Variants in ELAVL4 observed in about 807,000 individuals in gnomAD.
ELAVL4 encodes ELAV like RNA binding protein 4, also known as ELAV-like protein 4.
ELAVL4 carries 1 observed loss-of-function variant against 35.6 expected under a neutral mutation model. The observed-to-expected ratio is 0.03, with a 90% CI of 0.01 to 0.13. The LOEUF (loss-of-function observed/expected upper bound fraction) is 0.13. Ranked by LOEUF, ELAVL4 falls within the 10% of genes least tolerant of loss-of-function variation. The probability of loss-of-function intolerance (pLI) is 1.00; values close to 1 mark genes in which losing one functional copy is unlikely to be tolerated. For synonymous variants in ELAVL4, 156 were observed against 171.0 expected (o/e 0.91, Z 0.69); for missense variants, 267 against 464.9 (o/e 0.57, Z 3.91).
At chr1:50,118,965 G>GA (rs1668452526) in intron 1 of ELAVL4, among the ~76,000 whole-genome samples, 2 of 95,840 alleles carry the variant, frequency 2.1e-5, no homozygotes, top group Non-Finnish European at 4.2e-5. Context: ...AGAGAGAGAG[G>GA]GAGGGAGGGA....
chr1:50,187,171 TTG>T (rs1681961248), intron 3 of ELAVL4, among the ~76,000 whole-genome samples: 1 of 152,100 alleles, frequency 6.6e-6, no homozygotes, highest in Non-Finnish European at 1.5e-5. Context: ...TTACAACAGA[TTG>T]GGGAAAATCT....
chr1:50,136,802 G>A (rs1396936521), intron 1 of ELAVL4, among the ~76,000 whole-genome samples: 2 of 152,100 alleles, frequency 1.3e-5, no homozygotes, highest in Non-Finnish European at 2.9e-5. Context: ...CGCATGAATT[G>A]TGCAGTGAGG....
At position 50,140,235 on chromosome 1, in the gene ELAVL4, A is replaced by G. The variant is rs568727663; in HGVS notation, c.10-4722A>G. Reference sequence around the variant, plus strand: ...CACAGAATGTTTCATTAAAGTACATATGCACACTTGAGTAACTGATATATT... The same window carrying G: ...CACAGAATGTTTCATTAAAGTACATGTGCACACTTGAGTAACTGATATATT... On this transcript the variant is annotated intron_variant, in intron 1 of 6. Transcript: ENST00000371824. Among the ~76,000 whole-genome samples the G allele has an allele frequency of 2.0e-5, 3 of 152,332 alleles. No homozygotes were observed. The South Asian group carries it at 6.2e-4, about 32-fold the overall frequency.
At chr1:50,120,006 G>A (rs1236967356) in intron 1 of ELAVL4, among the ~76,000 whole-genome samples, 2 of 150,882 alleles carry the variant, frequency 1.3e-5, no homozygotes, top group East Asian at 3.9e-4. Context: ...TTTTCTTGGG[G>A]GAAAAATAAG....
At chr1:50,141,254 G>T (rs529787762) in intron 1 of ELAVL4, among the ~76,000 whole-genome samples, 21 of 152,238 alleles carry the variant, frequency 1.4e-4, no homozygotes, top group African/African-American at 5.1e-4. Context: ...AAGCTGCCTT[G>T]GTGTGGGATA....
chr1:50,183,516 G>A (rs956341224), intron 3 of ELAVL4, among the ~76,000 whole-genome samples: 1 of 152,158 alleles, frequency 6.6e-6, no homozygotes, highest in African/African-American at 2.4e-5. Context: ...CCTTCTCTGG[G>A]AAGGAGAGTG....
chr1:50,057,534 A>G (rs1292204207), intron 1 of ELAVL4, among the ~76,000 whole-genome samples: 6 of 152,218 alleles, frequency 3.9e-5, no homozygotes, highest in East Asian at 1.9e-4. Context: ...GCAACTGCCT[A>G]TAAACATGTA....
intron 1 of ELAVL4, among the ~76,000 whole-genome samples, chr1:50,062,876 C>G (rs1006839843): frequency 6.6e-6 from 1 of 152,100 alleles, no homozygotes; most frequent in African/African-American, 2.4e-5. Flanking sequence ...ATCCATTAAT[C>G]CATCCATCCA....
intron 1 of ELAVL4, chr1:50,144,444 C>T: frequency 8.0e-6 from 3 of 373,276 alleles, no homozygotes; most frequent in South Asian, 6.5e-5. Flanking sequence ...AGTGATTAAG[C>T]ATCAGTGAAA....
intron 1 of ELAVL4, among the ~76,000 whole-genome samples, chr1:50,085,432 G>C (rs893196767): frequency 1.3e-5 from 2 of 152,146 alleles, no homozygotes; most frequent in Non-Finnish European, 2.9e-5. Flanking sequence ...TGTGGCCAAG[G>C]GTTCTAGAGA....
At chr1:50,109,287 G>A (rs1666665999) in intron 1 of ELAVL4, 89 bp downstream of exon 1, 2 of 1,400,850 alleles carry the variant, frequency 1.4e-6, no homozygotes, top group African/African-American at 1.4e-5. Context: ...GCTTGCACAA[G>A]AGTTTAGTTC....
intron 2 of ELAVL4, chr1:50,175,626 G>A (rs1426061478): frequency 6.6e-6 from 1 of 152,140 alleles, no homozygotes; most frequent in Non-Finnish European, 1.5e-5. Context: ...GTCATTTTGG[G>A]TTTTCCATTT....
At chr1:50,104,327 G>A (rs1430237509), upstream of ELAVL4, among the ~76,000 whole-genome samples, 2 of 152,342 alleles carry the variant, frequency 1.3e-5, no homozygotes, top group Non-Finnish European at 2.9e-5. Flanking sequence ...ACATTTTAAT[G>A]TTTGAAGAAA....
intron 2 of ELAVL4, among the ~76,000 whole-genome samples, chr1:50,154,880 C>T (rs1348232838): frequency 2.6e-5 from 4 of 151,596 alleles, no homozygotes; most frequent in African/African-American, 4.9e-5. Flanking sequence ...ATGGAAAAAA[C>T]TAAAATTGAA....
At chr1:50,070,445 A>G (rs533002992) in intron 1 of ELAVL4, among the ~76,000 whole-genome samples, 1 of 152,304 alleles carries the variant, frequency 6.6e-6, no homozygotes, top group Non-Finnish European at 1.5e-5. Context: ...ACTAAAGAAC[A>G]TGAAAATGCC....
At chr1:50,186,693 T>C (rs1681876138) in intron 3 of ELAVL4, among the ~76,000 whole-genome samples, 1 of 152,072 alleles carries the variant, frequency 6.6e-6, no homozygotes, top group Admixed American at 6.5e-5. Context: ...AACTGGAGCA[T>C]AGGGTGCATG....
rs113004309 is a variant in ELAVL4, at chr1:50,187,866, C to T, written c.355-5899C>T. On this transcript the variant is annotated intron_variant, in intron 3 of 6. Coordinates refer to ENST00000371824, the MANE Select transcript of ELAVL4 (RefSeq NM_001144774.3). ...ATCCCAGCACTTTGAGAGGCTGAGACGAGCAGATCATCTGAGGTCAGGAGT... is the reference window on the plus strand; with the variant it reads ...ATCCCAGCACTTTGAGAGGCTGAGATGAGCAGATCATCTGAGGTCAGGAGT... Among the ~76,000 whole-genome samples the T allele has an allele frequency of 1.4e-4, 22 of 152,218 alleles. 1 individual carries two copies. Among genetic ancestry groups the T allele is most frequent in the African/African-American group, 4.6e-4 (19 of 41,550 alleles).
intron 1 of ELAVL4, among the ~76,000 whole-genome samples, chr1:50,092,815 A>G (rs572062916): frequency 1.3e-5 from 2 of 152,334 alleles, no homozygotes; most frequent in African/African-American, 4.8e-5. Flanking sequence ...GCACCATGCC[A>G]GGCATGGAGG....
chr1:50,102,025 C>T (rs1359526137), upstream of ELAVL4, among the ~76,000 whole-genome samples: 2 of 152,162 alleles, frequency 1.3e-5, no homozygotes, highest in Non-Finnish European at 2.9e-5. Context: ...CGGTGGCTCA[C>T]GCCTGTAATC....
Sources: gnomAD v4.1 joint callset for allele counts (sites outside exome capture counted in the v4.1 genomes callset) on GRCh38, gnomAD v4.1.1 for gene constraint, MANE v1.5 for transcripts, NCBI Gene and HGNC (gene_info 2026-07-23, HGNC 2026-07-21) for gene names.